Variants in NLRP2 observed in about 807,000 individuals in gnomAD.
NLRP2 encodes the protein NACHT, LRR and PYD domains-containing protein 2.
A neutral mutation model predicts 97.2 loss-of-function variants in NLRP2; 107 were observed. The ratio of observed to expected loss-of-function variants is 1.10; its 90% confidence interval spans 0.94 to 1.29. NLRP2 has a LOEUF of 1.29. NLRP2 is among the 50% of genes most tolerant of loss of function. The probability of loss-of-function intolerance (pLI) is 0.00; values close to 1 mark genes in which losing one functional copy is unlikely to be tolerated. For synonymous variants in NLRP2, 663 were observed against 551.5 expected (o/e 1.20, Z -2.83); for missense variants, 1,495 against 1,330.3 (o/e 1.12, Z -1.93).
chr19:54,978,736 A>G (rs2071397696), intron 4 of NLRP2, among the ~76,000 whole-genome samples: 1 of 151,142 alleles, frequency 6.6e-6, no homozygotes, highest in African/African-American at 2.4e-5. Context: ...AGTCCCAGCT[A>G]CTCAGGAGGC....
In NLRP2 at chr19:54,982,704, A is replaced by G. The variant is rs756602998; in HGVS notation, c.1006A>G (p.Thr336Ala). ...ACCCAAGGCCGCCCTGCTGGTCACC[A>G]CGCGGCCCAGGGCCCTGAGGGACCT... ...MLPKAALLVT[T>A]RPRALRDLRI... Residue 336 changes from threonine to alanine, a missense_variant, in exon 6 of 13, where the codon ACG becomes GCG. Physicochemically the swap from Thr to Ala is moderately conservative, Grantham distance 58 (BLOSUM62 0). Transcript: ENST00000448584. 1.9e-6 allele frequency: 3 copies of G among 1,614,036 alleles called. No individual in the cohort carries two copies. The East Asian group carries it at 6.7e-5, about 36-fold the overall frequency.
chr19:54,977,202 A>G (rs1039895841), intron 3 of NLRP2, among the ~76,000 whole-genome samples: 1 of 152,024 alleles, frequency 6.6e-6, no homozygotes, highest in African/African-American at 2.4e-5. Flanking sequence ...CAGGCAGATC[A>G]CCTGAGGTTG....
intron 8 of NLRP2, 79 bp from the exon 9 acceptor site, chr19:54,989,943 A>T: frequency 2.0e-6 from 3 of 1,528,360 alleles, no homozygotes; most frequent in Non-Finnish European, 2.7e-6. Flanking sequence ...GTGAGCCGAG[A>T]TTGCGCCACC....
intron 2 of NLRP2, among the ~76,000 whole-genome samples, chr19:54,972,594 C>T (rs556731195): frequency 6.6e-6 from 1 of 151,862 alleles, no homozygotes; most frequent in East Asian, 1.9e-4. Context: ...ACCACTATGG[C>T]CTCCCACCAC....
Position 54,983,676 on chromosome 19 carries a change from G to T in NLRP2, c.1978G>T (p.Glu660Ter). 1 of 1,613,896 alleles carries T rather than the reference G, an allele frequency of 6.2e-7. No individual in the cohort carries two copies. The highest frequency in any genetic ancestry group is 8.5e-7 in the Non-Finnish European group (1 of 1,180,016). Residue 660 changes from glutamate to a stop codon, truncating the protein, a stop_gained, in exon 6 of 13, where the codon GAG becomes TAG. Coordinates refer to ENST00000448584, the MANE Select transcript of NLRP2 (RefSeq NM_017852.5). LOFTEE classifies it high-confidence loss of function. ...GAAAATGTCACTGCAGGTAATAAAG[G>T]AGAATCTCCCGGAGAATGTCACTGC... ...LQKMSLQVIK[E>*]NLPENVTASE...
At chr19:54,975,101 GTTTTGTTTTTTTTTTT>G (rs2071117691) in intron 3 of NLRP2, among the ~76,000 whole-genome samples, 1 of 83,086 alleles carries the variant, frequency 1.2e-5, no homozygotes. Context: ...ACCACACCCG[GTTTTGTTTTTTTTTTT>G]TTTTTTTTTT....
At chr19:54,986,947 T>C (rs1387158622) in intron 8 of NLRP2, among the ~76,000 whole-genome samples, 9 of 151,954 alleles carry the variant, frequency 5.9e-5, no homozygotes, top group Admixed American at 5.9e-4. Context: ...TGCGTTGGTA[T>C]GATCTCAGGT....
rs2072698271 is a variant in NLRP2 at position 54,994,526 on chromosome 19, C to A, written c.2879+87C>A. 5 of 1,397,218 alleles carry A rather than the reference C, an allele frequency of 3.6e-6. No homozygotes were observed. The South Asian group carries it at 4.6e-5, about 13-fold the overall frequency. 86.6% of individuals were successfully genotyped at this position (1,397,218 alleles called of 1,614,324 possible). A position where few individuals can be genotyped will look rare whatever the true frequency, so the allele number is the denominator to read the frequency against. On this transcript the variant is annotated intron_variant, in intron 11 of 12. Coordinates refer to ENST00000448584, the MANE Select transcript of NLRP2 (RefSeq NM_017852.5). ...AAAATAATCAGTGAAGCCGACTTCC[C>A]AAGTTATATAATTGAGAGGACCTTT...
intron 1 of NLRP2, among the ~76,000 whole-genome samples, chr19:54,966,849 T>TTC (rs2070465936): frequency 7.0e-5 from 9 of 128,700 alleles, no homozygotes; most frequent in African/African-American, 2.7e-4. Flanking sequence ...TTTTTTTTTT[T>TTC]TTCTTCTCTT....
At position 54,983,608 on chromosome 19, in the gene NLRP2, T is replaced by G. The variant is rs764005997; in HGVS notation, c.1910T>G (p.Val637Gly). 1 of 1,614,176 alleles carries G rather than the reference T, an allele frequency of 6.2e-7. No individual in the cohort carries two copies. Among genetic ancestry groups the G allele is most frequent in the African/African-American group, 1.3e-5 (1 of 75,066 alleles). Residue 637 changes from valine (V) to glycine (G), a missense_variant, in exon 6 of 13, where the codon GTT (valine) becomes GGT (glycine). Coordinates refer to ENST00000448584, the MANE Select transcript of NLRP2 (RefSeq NM_017852.5). Reference protein sequence around the residue: ...EISLHLNAVDVVPSSFCVKHC... With the variant: ...EISLHLNAVDGVPSSFCVKHC... ...TCCCTGCACTTAAATGCAGTAGACGTTGTGCCATCTTCATTCTGCGTCAAG... is the reference window on the plus strand; with the variant it reads ...TCCCTGCACTTAAATGCAGTAGACGGTGTGCCATCTTCATTCTGCGTCAAG...
intron 12 of NLRP2, 79 bp downstream of exon 12, chr19:54,997,566 T>G (rs1250890321): frequency 1.1e-5 from 15 of 1,412,588 alleles, no homozygotes; most frequent in Non-Finnish European, 1.4e-5. Flanking sequence ...GGACCTGCTG[T>G]AGGAGACTGA....
intron 12 of NLRP2, among the ~76,000 whole-genome samples, chr19:54,998,618 T>C (rs60097914): frequency 0.25 from 29,112 of 116,398 alleles, 4,296 homozygotes; most frequent in Middle Eastern, 0.36. Flanking sequence ...TTTCTTTTTT[T>C]TTTTTTTTTT....
At chr19:54,981,802 G>C in intron 5 of NLRP2, 120 bp downstream of exon 5, 1 of 767,644 alleles carries the variant, frequency 1.3e-6, no homozygotes, top group East Asian at 2.6e-5. Context: ...TATCGAGACG[G>C]AGTTTTGCTC....
At chr19:54,979,016 A>G (rs145014855) in intron 4 of NLRP2, among the ~76,000 whole-genome samples, 2 of 150,688 alleles carry the variant, frequency 1.3e-5, no homozygotes, top group Non-Finnish European at 2.9e-5. Flanking sequence ...ATAGAGTCTC[A>G]CTCTGTCATG....
intron 4 of NLRP2, among the ~76,000 whole-genome samples, chr19:54,980,917 C>T (rs1173726556): frequency 2.0e-5 from 3 of 152,120 alleles, no homozygotes; most frequent in African/African-American, 4.8e-5. Context: ...TTAGACTGGC[C>T]TGGCCAACAT....
At chr19:54,981,864 C>T (rs996417172) in intron 5 of NLRP2, among the ~76,000 whole-genome samples, 182 bp downstream of exon 5, 6 of 151,966 alleles carry the variant, frequency 3.9e-5, no homozygotes, top group South Asian at 2.1e-4. Context: ...CTGCAACCTC[C>T]GCCTCCCAGG....
intron 4 of NLRP2, among the ~76,000 whole-genome samples, chr19:54,980,478 G>A (rs1261294654): frequency 5.9e-5 from 9 of 152,218 alleles, no homozygotes. Flanking sequence ...ACAGGCGTGA[G>A]CCACCGCGCC....
chr19:54,980,347 C>A (rs1309520173), intron 4 of NLRP2, among the ~76,000 whole-genome samples: 2 of 151,566 alleles, frequency 1.3e-5, no homozygotes, highest in African/African-American at 2.4e-5. Flanking sequence ...AGGCGCCCGC[C>A]ACACGCCCGG....
Position 54,966,474 on chromosome 19 carries a change from A to C in NLRP2, c.-18+7A>C, listed in dbSNP as rs572106668. On this transcript the variant is annotated splice_region_variant and intron_variant, in intron 1 of 12. Transcript: ENST00000448584. The stretch of plus-strand genomic sequence containing the variant: ...TAGGGCCAGGTGTTGGGAGGTGAGT[A>C]GCTCTCCGGCAGCTCTGCAACTTCA... 2 of 152,228 alleles carry C rather than the reference A, an allele frequency of 1.3e-5. No homozygotes were observed. Among genetic ancestry groups the C allele is most frequent in the Non-Finnish European group, 2.9e-5 (2 of 68,012 alleles). The allele number at this position is 152,228 out of a possible 1,614,324, so 9.4% of individuals were successfully genotyped here. A position where few individuals can be genotyped will look rare whatever the true frequency, so the allele number is the denominator to read the frequency against.
Sources: allele counts gnomAD v4.1 joint callset (sites outside exome capture counted in the v4.1 genomes callset), GRCh38; gene constraint gnomAD v4.1.1; transcripts MANE v1.5; gene names NCBI Gene and HGNC (gene_info 2026-07-23, HGNC 2026-07-21).